Variants in ARHGEF38 observed in about 807,000 individuals in gnomAD.
ARHGEF38 encodes Rho guanine nucleotide exchange factor (GEF) 38.
A neutral mutation model predicts 79.9 loss-of-function variants in ARHGEF38; 79 were observed. The observed-to-expected ratio is 0.99, with a 90% CI of 0.82 to 1.19. The LOEUF is 1.19. Among genes scored for constraint, ARHGEF38 ranks in the 50% most tolerant of loss-of-function variants. The pLI, the probability that ARHGEF38 is intolerant of heterozygous loss-of-function variation, is 0.00. For missense variants in ARHGEF38, 962 were observed against 907.2 expected (o/e 1.06, Z -0.78); for synonymous variants, 366 against 328.3 (o/e 1.11, Z -1.24).
intron 3 of ARHGEF38, among the ~76,000 whole-genome samples, chr4:105,629,595 C>A (rs1474965159): frequency 1.3e-5 from 2 of 151,626 alleles, no homozygotes; most frequent in Non-Finnish European, 2.9e-5. Context: ...AGTCTCAAAT[C>A]TGCAATGTTT....
chr4:105,631,143 G>GT (rs749851425), intron 4 of ARHGEF38, 98 bp downstream of exon 4: 10 of 1,398,100 alleles, frequency 7.2e-6, no homozygotes, highest in Non-Finnish European at 9.3e-6. Context: ...TAAATCCTAT[G>GT]TTTTATGAGA....
intron 10 of ARHGEF38, 57 bp from the exon 11 acceptor site, chr4:105,666,120 C>T (rs893103005): frequency 1.4e-6 from 2 of 1,431,728 alleles, no homozygotes; most frequent in Admixed American, 2.6e-5. Context: ...ATACATTTAA[C>T]ACCTGATATG....
intron 1 of ARHGEF38, among the ~76,000 whole-genome samples, chr4:105,555,415 T>C (rs560944386): frequency 6.6e-6 from 1 of 152,310 alleles, no homozygotes; most frequent in East Asian, 1.9e-4. Context: ...TTCTCATTAA[T>C]GTTCAAAGCA....
chr4:105,626,531 C>A (rs922094296), intron 3 of ARHGEF38, among the ~76,000 whole-genome samples: 1 of 152,088 alleles, frequency 6.6e-6, no homozygotes, highest in Non-Finnish European at 1.5e-5. Flanking sequence ...AATGGTAAAA[C>A]CAGAATTTGA....
downstream of ARHGEF38, among the ~76,000 whole-genome samples, chr4:105,682,038 C>T (rs1193694191): frequency 2.0e-5 from 3 of 151,962 alleles, no homozygotes; most frequent in Non-Finnish European, 4.4e-5. Context: ...ACATTTATTA[C>T]GTACTATGTG....
intron 13 of ARHGEF38, among the ~76,000 whole-genome samples, chr4:105,669,757 T>C (rs967331741): frequency 6.6e-6 from 1 of 152,120 alleles, no homozygotes; most frequent in Admixed American, 6.6e-5. Context: ...AACATTTCTT[T>C]CACTCCAAAA....
chr4:105,621,323 T>C (rs1285240266), intron 3 of ARHGEF38, among the ~76,000 whole-genome samples: 1 of 152,232 alleles, frequency 6.6e-6, no homozygotes, highest in Admixed American at 6.5e-5. Flanking sequence ...TCCTCTTATA[T>C]GTGTTTGCAT....
intron 1 of ARHGEF38, among the ~76,000 whole-genome samples, chr4:105,575,499 GTTAT>G (rs1726453850): frequency 6.6e-6 from 1 of 151,976 alleles, no homozygotes; most frequent in Non-Finnish European, 1.5e-5. Context: ...TCTTGATGAG[GTTAT>G]TTGTTTTTTC....
intron 10 of ARHGEF38, among the ~76,000 whole-genome samples, chr4:105,662,015 A>G: frequency 6.6e-6 from 1 of 152,172 alleles, no homozygotes; most frequent in East Asian, 1.9e-4. Flanking sequence ...GTAAAGACGT[A>G]TGTAATTTTG....
intron 13 of ARHGEF38, among the ~76,000 whole-genome samples, chr4:105,675,963 AG>A (rs1157834012): frequency 6.6e-6 from 1 of 152,192 alleles, no homozygotes; most frequent in Non-Finnish European, 1.5e-5. Flanking sequence ...ATAAACTTTG[AG>A]GGGAAACAAA....
chr4:105,657,610 A>C (rs1730392491), intron 9 of ARHGEF38, among the ~76,000 whole-genome samples: 1 of 151,634 alleles, frequency 6.6e-6, no homozygotes, highest in South Asian at 2.1e-4. Flanking sequence ...TATATATATA[A>C]TACTGTAATT....
chr4:105,665,269 C>T (rs928415121), intron 10 of ARHGEF38, among the ~76,000 whole-genome samples: 27 of 151,958 alleles, frequency 1.8e-4, no homozygotes, highest in Admixed American at 6.6e-4. Flanking sequence ...CCGAGGCGGG[C>T]GGATCATGAG....
intron 13 of ARHGEF38, among the ~76,000 whole-genome samples, chr4:105,669,062 A>AATC (rs1730868593): frequency 6.6e-6 from 1 of 152,058 alleles, no homozygotes; most frequent in African/African-American, 2.4e-5. Context: ...TAATAATAAT[A>AATC]ATAATAAAAG....
At chr4:105,636,897 G>C (rs1039846133) in intron 5 of ARHGEF38, among the ~76,000 whole-genome samples, 5 of 151,954 alleles carry the variant, frequency 3.3e-5, no homozygotes, top group African/African-American at 1.2e-4. Flanking sequence ...ACACATTATA[G>C]CATGAAAATG....
intron 2 of ARHGEF38, among the ~76,000 whole-genome samples, chr4:105,605,024 G>A (rs1356712681): frequency 6.6e-6 from 1 of 151,916 alleles, no homozygotes; most frequent in Admixed American, 6.6e-5. Context: ...TAGCCCTCCA[G>A]CTCAAAAGAC....
Position 105,667,300 on chromosome 4 carries a change from A to G in ARHGEF38, c.1861A>G (p.Thr621Ala). 6.5e-7 allele frequency: 1 copy of G among 1,536,186 alleles called. No homozygotes were observed. Among genetic ancestry groups the G allele is most frequent in the Non-Finnish European group, 8.7e-7 (1 of 1,146,924 alleles). Residue 621 changes from threonine (T) to alanine (A), a missense_variant, in exon 12 of 14, where the codon ACA becomes GCA. Coordinates refer to ENST00000420470, the MANE Select transcript of ARHGEF38 (RefSeq NM_001242729.2). ...VIEQKDPLGS[T>A]SRWLVDTGNV... ...AGAACAGAAAGATCCACTGGGGAGT[A>G]CAAGCAGGTGGCTTGTGGACACAGG... is the stretch of plus-strand genomic sequence containing the variant.
At chr4:105,600,557 T>A (rs993461320) in intron 2 of ARHGEF38, among the ~76,000 whole-genome samples, 6 of 152,216 alleles carry the variant, frequency 3.9e-5, no homozygotes, top group Admixed American at 2.6e-4. Context: ...TTAGCTCTGT[T>A]GCAAATCTGA....
rs546694257 is a variant in ARHGEF38 at position 105,569,829 on chromosome 4, C to G, written c.196+16868C>G. The G allele has an allele frequency of 4.0e-4, 61 of 152,154 alleles. 1 individual carries two copies. Among genetic ancestry groups the G allele is most frequent in the Non-Finnish European group, 8.8e-5 (6 of 68,014 alleles). 9.4% of individuals were successfully genotyped at this position (152,154 alleles called of 1,614,324 possible). On this transcript the variant is annotated intron_variant, in intron 1 of 13. Transcript: ENST00000420470. ...GATTGAAGAGAAAATGCAAAACAAA[C>G]TCAGTATTTGCACTAAAAAATGTTA...
intron 1 of ARHGEF38, among the ~76,000 whole-genome samples, chr4:105,585,134 G>T (rs912880803): frequency 1.3e-5 from 2 of 151,748 alleles, no homozygotes; most frequent in African/African-American, 4.8e-5. Context: ...GCTCTAGATG[G>T]TGGAAGAGTT....
Sources: gnomAD v4.1 joint callset for allele counts (sites outside exome capture counted in the v4.1 genomes callset) on GRCh38, gnomAD v4.1.1 for gene constraint, MANE v1.5 for transcripts, NCBI Gene and HGNC (gene_info 2026-07-23, HGNC 2026-07-21) for gene names.